Variants in MED12L observed in about 807,000 individuals in gnomAD.
MED12L encodes the protein mediator complex subunit 12L.
Under a neutral mutation model 281.3 loss-of-function variants are expected in MED12L, and 60 were observed. The ratio of observed to expected loss-of-function variants is 0.21; its 90% confidence interval spans 0.17 to 0.26. MED12L has a LOEUF of 0.26. MED12L is among the 10% of genes least tolerant of loss of function. The pLI is 1.00. For missense variants in MED12L, 2,146 were observed against 2,680.9 expected, an observed-to-expected ratio of 0.80 and a Z score of 4.41; for synonymous variants, 974 against 987.2, an observed-to-expected ratio of 0.99 and a Z score of 0.25.
At chr3:151,213,229 T>G in intron 16 of MED12L, 1 of 1,168,194 alleles carries the variant, frequency 8.6e-7, no homozygotes, top group African/African-American at 1.5e-5. Context: ...GCACATATCT[T>G]ATTGATTTCT....
chr3:151,368,760 ATTTTTTTTTTTTT>A (rs201834162), intron 25 of MED12L, among the ~76,000 whole-genome samples: 1 of 80,314 alleles, frequency 1.2e-5, no homozygotes, highest in African/African-American at 4.6e-5. Context: ...ATGTCATTTC[ATTTTTTTTTTTTT>A]TTTTCCAAGA....
chr3:151,294,326 A>G (rs1201497555), intron 16 of MED12L: 1 of 1,614,190 alleles, frequency 6.2e-7, no homozygotes, highest in East Asian at 2.2e-5. Context: ...ATCCAGGCAA[A>G]CATTACACGC....
At chr3:151,087,311 C>G (rs1335040327) in intron 2 of MED12L, among the ~76,000 whole-genome samples, 2 of 152,256 alleles carry the variant, frequency 1.3e-5, no homozygotes, top group African/African-American at 4.8e-5. Flanking sequence ...TTCTTCCCTG[C>G]CGAAACCTTG....
At chr3:151,264,361 A>G (rs1383651013) in intron 16 of MED12L, among the ~76,000 whole-genome samples, 3 of 152,244 alleles carry the variant, frequency 2.0e-5, no homozygotes, top group African/African-American at 7.2e-5. Flanking sequence ...TAAATGGAAG[A>G]ACTGAACTCT....
At chr3:151,109,118 C>T (rs570431183) in intron 2 of MED12L, among the ~76,000 whole-genome samples, 9 of 151,012 alleles carry the variant, frequency 6.0e-5, no homozygotes, top group Non-Finnish European at 1.0e-4. Flanking sequence ...AGTGCAGTGG[C>T]GCAATCTCGG....
At chr3:151,344,297 C>T (rs1577385239) in intron 16 of MED12L, among the ~76,000 whole-genome samples, 1 of 63,118 alleles carries the variant, frequency 1.6e-5, no homozygotes, top group East Asian at 4.2e-4. Flanking sequence ...TGTATAGTTA[C>T]TAATGATTAA....
chr3:151,105,343 T>C (rs529236774), intron 2 of MED12L, among the ~76,000 whole-genome samples: 30 of 152,288 alleles, frequency 2.0e-4, no homozygotes, highest in Non-Finnish European at 3.4e-4. Context: ...CTCCTTTTTC[T>C]CCAGACTTCC....
chr3:151,351,227 A>G lies in MED12L; in HGVS notation c.2398+1021A>G, dbSNP rs536318518. On this transcript the variant is annotated intron_variant, in intron 17 of 44. Transcript: ENST00000687756. ...GAGAAAAATACAGATCTTAATAATG[A>G]AGATAGGTTCTCTTTCTTCCCGGTC... 2.5e-4 allele frequency among the ~76,000 whole-genome samples: 38 copies of G among 152,322 alleles called. 1 individual carries two copies. The highest frequency in any genetic ancestry group is 8.7e-4 in the African/African-American group (36 of 41,568).
Position 151,165,974 on chromosome 3 carries a change from A to G in MED12L, c.1486A>G (p.Asn496Asp), listed in dbSNP as rs766099861. ...KIFWANQNKD[N>D]QEVAPNDEAV... ...TTTCTGGGCAAACCAAAACAAAGAT[A>G]ACCAAGAGGTAGTTAATTTTTTTTT... The change falls in exon 11 of 45, where the codon AAC (asparagine) becomes GAC (aspartate). Residue 496 changes from asparagine to aspartate, a missense_variant. Physicochemically the swap from Asn to Asp is conservative, Grantham distance 23 (BLOSUM62 1). Transcript: ENST00000687756. 6.2e-6 allele frequency: 10 copies of G among 1,606,812 alleles called. No individual in the cohort carries two copies. The Admixed American group carries it at 1.7e-4, about 28-fold the overall frequency.
chr3:151,182,214 AT>A (rs1467690164), intron 11 of MED12L, among the ~76,000 whole-genome samples: 4 of 152,086 alleles, frequency 2.6e-5, no homozygotes, highest in Non-Finnish European at 5.9e-5. Context: ...GTGCTTCCTT[AT>A]TTTACTTTTT....
intron 11 of MED12L, among the ~76,000 whole-genome samples, chr3:151,179,579 G>A (rs889667290): frequency 1.3e-5 from 2 of 152,200 alleles, no homozygotes; most frequent in Admixed American, 6.5e-5. Flanking sequence ...CCCAAGAAGG[G>A]GAAGGAGCAG....
rs748864263 is a variant in MED12L, at chr3:151,350,160, A to G, written c.2352A>G (p.Lys784=). The change falls in exon 17 of 45, where the codon AAA becomes AAG. Residue 784 remains lysine, a synonymous_variant. Transcript: ENST00000687756. ...GGCATCAGCTGAAGAAGATTACCAA[A>G]GATATCCTGAAAATTCTAAATAAGA... The part of the protein sequence containing the change: ...EARHQLKKIT[K]DILKILNKKS... 17 of 1,613,772 alleles carry G rather than the reference A, an allele frequency of 1.1e-5. No homozygotes were observed. Among genetic ancestry groups the G allele is most frequent in the Non-Finnish European group, 1.4e-5 (17 of 1,179,870 alleles).
chr3:151,316,189 A>C (rs1748207398), intron 16 of MED12L, among the ~76,000 whole-genome samples: 1 of 152,130 alleles, frequency 6.6e-6, no homozygotes, highest in Admixed American at 6.5e-5. Flanking sequence ...AAAGAGAAAA[A>C]TCTTTGTCTC....
chr3:151,313,873 A>G (rs1183931928), intron 16 of MED12L, among the ~76,000 whole-genome samples: 4 of 152,086 alleles, frequency 2.6e-5, no homozygotes, highest in African/African-American at 9.7e-5. Flanking sequence ...GCAGTGAGCA[A>G]AGATCACGCG....
intron 11 of MED12L, among the ~76,000 whole-genome samples, chr3:151,176,983 C>G (rs1453744522): frequency 6.6e-6 from 1 of 152,204 alleles, no homozygotes; most frequent in Non-Finnish European, 1.5e-5. Flanking sequence ...GTGGAAGGTG[C>G]TGAAAATAAA....
chr3:151,321,029 A>T (rs1434470689), intron 16 of MED12L, among the ~76,000 whole-genome samples: 1 of 152,218 alleles, frequency 6.6e-6, no homozygotes, highest in African/African-American at 2.4e-5. Context: ...TTAAGGGTAC[A>T]GGAGCACTTT....
At chr3:151,110,685 A>G (rs1203040828) in intron 2 of MED12L, among the ~76,000 whole-genome samples, 1 of 152,134 alleles carries the variant, frequency 6.6e-6, no homozygotes, top group Non-Finnish European at 1.5e-5. Flanking sequence ...CTGTGGCCCT[A>G]GTGTTCTATA....
intron 5 of MED12L, among the ~76,000 whole-genome samples, chr3:151,154,118 G>A (rs750589545): frequency 3.9e-5 from 6 of 152,102 alleles, no homozygotes; most frequent in Non-Finnish European, 8.8e-5. Context: ...AAGGAGTACA[G>A]TACTAGTCAC....
intron 38 of MED12L, among the ~76,000 whole-genome samples, chr3:151,390,817 C>T (rs953867285): frequency 9.9e-5 from 15 of 152,210 alleles, no homozygotes; most frequent in Non-Finnish European, 1.5e-5. Flanking sequence ...TTGAGTTTGA[C>T]ATTTTGAGGT....
Sources: gnomAD v4.1 joint callset for allele counts (sites outside exome capture counted in the v4.1 genomes callset) on GRCh38, gnomAD v4.1.1 for gene constraint, MANE v1.5 for transcripts, NCBI Gene and HGNC (gene_info 2026-07-23, HGNC 2026-07-21) for gene names.